EFNA5: variants seen among roughly 807,000 people sequenced by gnomAD.
EFNA5 encodes ephrin-A5.
In EFNA5, 5 loss-of-function variants were observed where a neutral mutation model predicts 22.9. That is an observed-to-expected ratio of 0.22 (90% CI 0.11 to 0.46). EFNA5 has a LOEUF of 0.46. EFNA5 is among the 20% of genes least tolerant of loss of function. The probability of loss-of-function intolerance (pLI) is 0.99; values close to 1 mark genes in which losing one functional copy is unlikely to be tolerated. For missense variants in EFNA5, 237 were observed against 293.3 expected (o/e 0.81, Z 1.40); for synonymous variants, 113 against 112.2 (o/e 1.01, Z -0.04).
intron 1 of EFNA5, among the ~76,000 whole-genome samples, chr5:107,658,432 G>C (rs888271961): frequency 6.6e-6 from 1 of 152,230 alleles, no homozygotes; most frequent in African/African-American, 2.4e-5. Flanking sequence ...CATTACCTTT[G>C]TTAGTGGTGT....
chr5:107,493,474 T>C (rs573915125), intron 1 of EFNA5, among the ~76,000 whole-genome samples: 8 of 152,342 alleles, frequency 5.3e-5, no homozygotes, highest in African/African-American at 1.9e-4. Context: ...AGCCTGCTTT[T>C]GCAGAAAAGA....
At chr5:107,590,055 T>A (rs1749284855) in intron 1 of EFNA5, among the ~76,000 whole-genome samples, 2 of 151,710 alleles carry the variant, frequency 1.3e-5, no homozygotes, top group Admixed American at 1.3e-4. Flanking sequence ...TGACTCTCAT[T>A]GGAGACGGTG....
At chr5:107,571,289 A>G (rs1446400527) in intron 1 of EFNA5, among the ~76,000 whole-genome samples, 1 of 152,206 alleles carries the variant, frequency 6.6e-6, no homozygotes, top group East Asian at 1.9e-4. Context: ...CAGAGAGCAC[A>G]GGAACCTAGT....
intron 1 of EFNA5, among the ~76,000 whole-genome samples, chr5:107,643,800 C>G (rs1324492936): frequency 6.6e-6 from 1 of 151,942 alleles, no homozygotes. Context: ...CTTAAGCTTT[C>G]CTGCCTTCTT....
At chr5:107,428,568 C>A (rs183214823) in intron 1 of EFNA5, among the ~76,000 whole-genome samples, 1 of 152,356 alleles carries the variant, frequency 6.6e-6, no homozygotes, top group Admixed American at 6.5e-5. Flanking sequence ...ATGCATACAA[C>A]TTTCTCAGTC....
chr5:107,602,249 C>T (rs1749615839), intron 1 of EFNA5, among the ~76,000 whole-genome samples: 1 of 152,184 alleles, frequency 6.6e-6, no homozygotes, highest in African/African-American at 2.4e-5. Context: ...CTATATATAA[C>T]ATGGCTTTTC....
chr5:107,380,510 A>G lies in EFNA5; in HGVS notation c.*745T>C, dbSNP rs1747417811. On this transcript the variant is annotated 3_prime_UTR_variant, in exon 5 of 5. Coordinates refer to ENST00000333274, the MANE Select transcript of EFNA5 (RefSeq NM_001962.3). ...GAGGCACTCACACATACACACCCCC[A>G]GCAAACCTGTAGTTTTCTCTGTTTT... is the stretch of plus-strand genomic sequence containing the variant. The G allele has an allele frequency of 7.2e-6, 2 of 277,350 alleles. No individual in the cohort carries two copies. Among genetic ancestry groups the G allele is most frequent in the East Asian group, 1.2e-4 (2 of 16,790 alleles). 17.2% of individuals were successfully genotyped at this position (277,350 alleles called of 1,614,324 possible). A position where few individuals can be genotyped will look rare whatever the true frequency, so the allele number is the denominator to read the frequency against.
chr5:107,391,159 AAAAT>A (rs1235264248), intron 2 of EFNA5, among the ~76,000 whole-genome samples: 10 of 152,350 alleles, frequency 6.6e-5, no homozygotes, highest in African/African-American at 2.4e-4. Flanking sequence ...CTCTGTATCA[AAAAT>A]AAATAAATAA....
chr5:107,642,343 CA>C (rs904282002), intron 1 of EFNA5, among the ~76,000 whole-genome samples: 1 of 146,950 alleles, frequency 6.8e-6, no homozygotes, highest in African/African-American at 2.6e-5. Flanking sequence ...GTTCTCACCA[CA>C]AAAAATAAGT....
intron 1 of EFNA5, among the ~76,000 whole-genome samples, chr5:107,560,874 C>T (rs1488681010): frequency 6.6e-6 from 1 of 152,194 alleles, no homozygotes; most frequent in African/African-American, 2.4e-5. Context: ...GCTGCATGGA[C>T]CAAGCTCTAA....
chr5:107,495,561 T>C (rs1206751860), intron 1 of EFNA5, among the ~76,000 whole-genome samples: 1 of 152,212 alleles, frequency 6.6e-6, no homozygotes, highest in Non-Finnish European at 1.5e-5. Context: ...TCTTAAACTT[T>C]TAACGTTATT....
rs1747666287 is a variant in EFNA5 at position 107,387,686 on chromosome 5, G to A, written c.484+20C>T. On this transcript the variant is annotated intron_variant, in intron 3 of 4. Coordinates refer to ENST00000333274, the MANE Select transcript of EFNA5 (RefSeq NM_001962.3). Reference sequence around the variant, plus strand: ...ATGCGCGGTGAAGCCACCCTCTGAAGCTCATTCTAGTGAACTTACTTGTTG... The same window carrying A: ...ATGCGCGGTGAAGCCACCCTCTGAAACTCATTCTAGTGAACTTACTTGTTG... 6.3e-7 allele frequency: 1 copy of A among 1,592,492 alleles called. No individual in the cohort carries two copies. The highest frequency in any genetic ancestry group is 8.6e-7 in the Non-Finnish European group (1 of 1,164,092).
intron 1 of EFNA5, among the ~76,000 whole-genome samples, chr5:107,663,905 T>C (rs1350353125): frequency 6.6e-6 from 1 of 152,150 alleles, no homozygotes; most frequent in South Asian, 2.1e-4. Flanking sequence ...CTGTCAATTG[T>C]ATGAAGGATG....
At chr5:107,545,833 T>C (rs1352093451) in intron 1 of EFNA5, among the ~76,000 whole-genome samples, 1 of 152,202 alleles carries the variant, frequency 6.6e-6, no homozygotes, top group African/African-American at 2.4e-5. Flanking sequence ...AGCCATTCGT[T>C]TTTTTCCTAA....
intron 1 of EFNA5, among the ~76,000 whole-genome samples, chr5:107,629,378 G>C (rs989993135): frequency 2.6e-5 from 4 of 151,956 alleles, no homozygotes; most frequent in Admixed American, 6.6e-5. Flanking sequence ...CACACACATT[G>C]CATTTTGGGG....
intron 1 of EFNA5, among the ~76,000 whole-genome samples, chr5:107,453,726 A>G (rs1341280500): frequency 6.6e-6 from 1 of 152,192 alleles, no homozygotes; most frequent in Admixed American, 6.6e-5. Context: ...CAGAGATGAA[A>G]GGAAGACCTT....
chr5:107,632,860 C>T lies in EFNA5; in HGVS notation c.125+37629G>A, dbSNP rs571611043. On this transcript the variant is annotated intron_variant, in intron 1 of 4. Coordinates refer to ENST00000333274, the MANE Select transcript of EFNA5 (RefSeq NM_001962.3). Reference sequence around the variant, plus strand: ...TATTTTCCTAATCTACTAATGCACCCCAAAATATTTACGTTTTAAAATTAT... The same window carrying T: ...TATTTTCCTAATCTACTAATGCACCTCAAAATATTTACGTTTTAAAATTAT... Among the ~76,000 whole-genome samples, 10 of 152,210 alleles carry T rather than the reference C, an allele frequency of 6.6e-5. No individual in the cohort carries two copies. In the South Asian group the frequency reaches 1.7e-3, roughly 25 times the overall value.
intron 1 of EFNA5, among the ~76,000 whole-genome samples, chr5:107,583,128 A>G (rs186105763): frequency 2.0e-5 from 3 of 152,338 alleles, no homozygotes; most frequent in Admixed American, 1.3e-4. Context: ...TTAGGTATAC[A>G]AAGATCCAAG....
intron 1 of EFNA5, among the ~76,000 whole-genome samples, chr5:107,481,343 TC>T (rs1416540911): frequency 2.6e-5 from 4 of 152,158 alleles, no homozygotes; most frequent in African/African-American, 9.7e-5. Flanking sequence ...GATGGCCTTC[TC>T]CATCGCACTG....
Sources: gnomAD v4.1 joint callset for allele counts (sites outside exome capture counted in the v4.1 genomes callset) on GRCh38, gnomAD v4.1.1 for gene constraint, MANE v1.5 for transcripts, NCBI Gene and HGNC (gene_info 2026-07-23, HGNC 2026-07-21) for gene names.